The following INPP4B variants were observed in gnomAD, a reference collection of about 807,000 sequenced individuals.
The protein encoded by INPP4B is inositol polyphosphate-4-phosphatase type II B.
In INPP4B, 55 loss-of-function variants were observed where a neutral mutation model predicts 122.5. The ratio of observed to expected loss-of-function variants is 0.45; its 90% CI spans 0.36 to 0.56. The LOEUF is 0.56. Among genes scored for constraint, INPP4B ranks in the 20% least tolerant of loss-of-function variants. INPP4B has a pLI of 0.00. For synonymous variants in INPP4B, 403 were observed against 388.7 expected (o/e 1.04, Z -0.43); for missense variants, 1,000 against 1,097.7 (o/e 0.91, Z 1.26).
chr4:142,162,280 A>T (rs770097575), intron 16 of INPP4B, among the ~76,000 whole-genome samples: 49 of 151,516 alleles, frequency 3.2e-4, no homozygotes, highest in Non-Finnish European at 4.3e-4. Context: ...GTGTTCACTG[A>T]TGTTCACAAT....
At chr4:142,161,942 C>T (rs1457782205) in intron 16 of INPP4B, among the ~76,000 whole-genome samples, 2 of 151,688 alleles carry the variant, frequency 1.3e-5, no homozygotes, top group Non-Finnish European at 2.9e-5. Context: ...AGCTTTCTCC[C>T]TTATTCCACA....
intron 7 of INPP4B, chr4:142,317,532 C>A (rs1579715545): frequency 4.2e-6 from 1 of 235,948 alleles, no homozygotes; most frequent in Non-Finnish European, 9.3e-6. Flanking sequence ...TGTCCCTCCA[C>A]TGAAAGTTGG....
intron 18 of INPP4B, among the ~76,000 whole-genome samples, chr4:142,129,376 A>G (rs1053718124): frequency 6.6e-6 from 1 of 152,228 alleles, no homozygotes; most frequent in African/African-American, 2.4e-5. Context: ...AAGGGTACCT[A>G]TGTGCCTCTG....
intron 2 of INPP4B, among the ~76,000 whole-genome samples, chr4:142,613,044 C>T (rs1328445512): frequency 6.6e-6 from 1 of 152,112 alleles, no homozygotes; most frequent in Non-Finnish European, 1.5e-5. Context: ...TTTCTTCCTG[C>T]TAATTAGAAT....
intron 1 of INPP4B, among the ~76,000 whole-genome samples, chr4:142,730,965 T>TA (rs36054320): frequency 0.66 from 99,870 of 151,552 alleles, 33,093 homozygotes; most frequent in East Asian, 0.8. Context: ...AGTTTTTTTT[T>TA]AAATTTAATT....
At chr4:142,584,790 T>C (rs1468142876) in intron 2 of INPP4B, among the ~76,000 whole-genome samples, 1 of 152,092 alleles carries the variant, frequency 6.6e-6, no homozygotes, top group Non-Finnish European at 1.5e-5. Context: ...GCAGACCATA[T>C]TTAAGAGTGG....
chr4:142,495,531 C>T (rs1560722212), intron 2 of INPP4B, among the ~76,000 whole-genome samples: 1 of 151,496 alleles, frequency 6.6e-6, no homozygotes, highest in Admixed American at 6.6e-5. Flanking sequence ...TATATATATT[C>T]TTCTGGTTTC....
intron 1 of INPP4B, among the ~76,000 whole-genome samples, chr4:142,832,030 C>T (rs1782204294): frequency 6.6e-6 from 1 of 152,146 alleles, no homozygotes; most frequent in South Asian, 2.1e-4. Context: ...TCTTCTAAGA[C>T]AGCAGGAGGG....
chr4:142,389,285 T>C (rs1424206270), intron 7 of INPP4B, among the ~76,000 whole-genome samples: 2 of 149,798 alleles, frequency 1.3e-5, no homozygotes, highest in African/African-American at 2.5e-5. Context: ...TAGAAACTGG[T>C]AAATGAAAAA....
At chr4:142,253,918 A>C (rs1376515524) in intron 11 of INPP4B, among the ~76,000 whole-genome samples, 3 of 152,100 alleles carry the variant, frequency 2.0e-5, no homozygotes, top group Admixed American at 6.6e-5. Flanking sequence ...AGACAAACAG[A>C]AAGACAGCAG....
At chr4:142,522,262 G>T (rs1431063307) in intron 2 of INPP4B, among the ~76,000 whole-genome samples, 1 of 151,822 alleles carries the variant, frequency 6.6e-6, no homozygotes, top group African/African-American at 2.4e-5. Context: ...TTCAAATTGA[G>T]AATTTTATTC....
At chr4:142,667,102 T>TA (rs1220362824) in intron 2 of INPP4B, among the ~76,000 whole-genome samples, 5 of 152,212 alleles carry the variant, frequency 3.3e-5, no homozygotes, top group African/African-American at 1.2e-4. Flanking sequence ...ACTAACAGCA[T>TA]AATAGGCTCA....
At position 142,633,411 on chromosome 4, in the gene INPP4B, C is replaced by T. The variant is rs56267841; in HGVS notation, c.-191+92428G>A. Among the ~76,000 whole-genome samples the T allele has an allele frequency of 7.9e-5, 12 of 152,150 alleles. No individual in the cohort carries two copies. The South Asian group carries it at 8.3e-4, about 11-fold the overall frequency. ...ATACCATTAACTGAAAAATATAGAG[C>T]GCTTTTCCCAAAAGCTGCAGAACAA... On this transcript the variant is annotated intron_variant, in intron 2 of 25. Transcript: ENST00000262992.
chr4:142,504,184 A>C (rs1823724009), intron 2 of INPP4B, among the ~76,000 whole-genome samples: 1 of 152,112 alleles, frequency 6.6e-6, no homozygotes, highest in Admixed American at 6.5e-5. Context: ...ATACTATTAA[A>C]ATTAATAAGA....
At chr4:142,171,663 T>G (rs1825685090) in intron 16 of INPP4B, among the ~76,000 whole-genome samples, 1 of 151,856 alleles carries the variant, frequency 6.6e-6, no homozygotes, top group Non-Finnish European at 1.5e-5. Context: ...TCATGAATTC[T>G]TAAAAGAATG....
At chr4:142,468,619 C>G (rs1385006872) in intron 2 of INPP4B, among the ~76,000 whole-genome samples, 1 of 152,052 alleles carries the variant, frequency 6.6e-6, no homozygotes, top group Non-Finnish European at 1.5e-5. Context: ...AGAGCTGATT[C>G]TTAAAAAGAA....
At chr4:142,354,476 T>C (rs956041439) in intron 7 of INPP4B, among the ~76,000 whole-genome samples, 1 of 152,030 alleles carries the variant, frequency 6.6e-6, no homozygotes, top group African/African-American at 2.4e-5. Context: ...CGGTACCTTT[T>C]ATCTATCTTG....
intron 22 of INPP4B, among the ~76,000 whole-genome samples, chr4:142,111,381 G>GT (rs1318347097): frequency 6.6e-6 from 1 of 151,694 alleles, no homozygotes; most frequent in Admixed American, 6.6e-5. Flanking sequence ...AGTTTTGCTC[G>GT]TATCACCCAG....
intron 2 of INPP4B, among the ~76,000 whole-genome samples, chr4:142,564,468 AAAGAAAG>A (rs1462365338): frequency 1.4e-5 from 2 of 139,500 alleles, no homozygotes; most frequent in South Asian, 2.2e-4. Context: ...AGAAAGAAAG[AAAGAAAG>A]AAAAAAAAGA....
Sources: allele counts gnomAD v4.1 joint callset (sites outside exome capture counted in the v4.1 genomes callset), GRCh38; gene constraint gnomAD v4.1.1; transcripts MANE v1.5; gene names NCBI Gene and HGNC (gene_info 2026-07-23, HGNC 2026-07-21).